Variants in ZNF423 observed in about 807,000 individuals in gnomAD.
ZNF423 encodes the protein Ebf-associated zinc finger protein.
In ZNF423, 12 loss-of-function variants were observed where a neutral mutation model predicts 95.8. That is an observed-to-expected ratio of 0.13 (90% CI 0.08 to 0.20). The LOEUF (loss-of-function observed/expected upper bound fraction) is 0.20. Among genes scored for constraint, ZNF423 ranks in the 10% least tolerant of loss-of-function variants. The probability of loss-of-function intolerance (pLI) is 1.00; values close to 1 mark genes in which losing one functional copy is unlikely to be tolerated. For synonymous variants in ZNF423, 749 were observed against 711.9 expected (o/e 1.05, Z -0.83); for missense variants, 1,316 against 1,737.1 (o/e 0.76, Z 4.31).
intron 7 of ZNF423, among the ~76,000 whole-genome samples, chr16:49,517,442 T>C (rs905536779): frequency 4.6e-5 from 7 of 152,188 alleles, no homozygotes; most frequent in African/African-American, 1.7e-4. Context: ...AGTCTTCTCC[T>C]GGTTAAACAG....
intron 3 of ZNF423, among the ~76,000 whole-genome samples, chr16:49,718,573 T>C (rs2032775395): frequency 6.6e-6 from 1 of 152,200 alleles, no homozygotes; most frequent in Non-Finnish European, 1.5e-5. Flanking sequence ...CTGTCTTAAG[T>C]CTGTTCAGGC....
intron 5 of ZNF423, among the ~76,000 whole-genome samples, chr16:49,623,800 G>T (rs1388745488): frequency 6.6e-6 from 1 of 152,228 alleles, no homozygotes; most frequent in African/African-American, 2.4e-5. Context: ...AGTGGCTGCA[G>T]GAGACTGGCT....
intron 3 of ZNF423, among the ~76,000 whole-genome samples, chr16:49,643,793 C>T (rs1003216494): frequency 1.3e-5 from 2 of 151,988 alleles, no homozygotes; most frequent in Non-Finnish European, 1.5e-5. Flanking sequence ...CTGTCTGCTG[C>T]AGGAAGAGAA....
At chr16:49,572,780 G>A (rs981291543) in intron 5 of ZNF423, among the ~76,000 whole-genome samples, 1 of 152,234 alleles carries the variant, frequency 6.6e-6, no homozygotes, top group African/African-American at 2.4e-5. Flanking sequence ...GCCTCCCACA[G>A]TGCACACTGG....
At chr16:49,499,364 C>T (rs1425055960) in intron 7 of ZNF423, among the ~76,000 whole-genome samples, 2 of 152,254 alleles carry the variant, frequency 1.3e-5, no homozygotes, top group Non-Finnish European at 2.9e-5. Flanking sequence ...GAAGCTGTCT[C>T]TCATGTGAGA....
chr16:49,543,688 C>T (rs570681562), intron 5 of ZNF423, among the ~76,000 whole-genome samples: 4 of 152,326 alleles, frequency 2.6e-5, no homozygotes, highest in Admixed American at 2.0e-4. Context: ...CCGCCAAGGA[C>T]AGCTCAGCCC....
At chr16:49,777,363 T>C (rs945270022) in intron 2 of ZNF423, among the ~76,000 whole-genome samples, 1 of 152,222 alleles carries the variant, frequency 6.6e-6, no homozygotes, top group Non-Finnish European at 1.5e-5. Context: ...ACATTTGCAC[T>C]GAGTGAGAGT....
intron 1 of ZNF423, among the ~76,000 whole-genome samples, chr16:49,814,486 C>A (rs1343237749): frequency 1.3e-5 from 2 of 151,362 alleles, no homozygotes; most frequent in East Asian, 4.0e-4. Flanking sequence ...CTGCACCTGC[C>A]TTTTCCAACA....
At chr16:49,701,245 C>A (rs775527090) in intron 3 of ZNF423, among the ~76,000 whole-genome samples, 1 of 152,200 alleles carries the variant, frequency 6.6e-6, no homozygotes, top group African/African-American at 2.4e-5. Flanking sequence ...TGCACGTGTG[C>A]GTGCATGCGC....
chr16:49,525,332 T>C (rs1417971493), intron 6 of ZNF423, 31 bp downstream of exon 6: 3 of 1,611,738 alleles, frequency 1.9e-6, no homozygotes, highest in Non-Finnish European at 2.5e-6. Context: ...TTCATCTCTC[T>C]CCCCTGAGGG....
At chr16:49,833,635 A>G (rs1322981782) in intron 1 of ZNF423, among the ~76,000 whole-genome samples, 1 of 142,960 alleles carries the variant, frequency 7.0e-6, no homozygotes, top group Non-Finnish European at 1.5e-5. Flanking sequence ...AATGATGGTG[A>G]AATGAAAAGG....
chr16:49,820,453 T>C (rs1407824207), intron 1 of ZNF423, among the ~76,000 whole-genome samples: 1 of 152,244 alleles, frequency 6.6e-6, no homozygotes, highest in East Asian at 1.9e-4. Context: ...AATCTGACTT[T>C]AATAGCTCCA....
At chr16:49,741,205 T>G (rs979743674) in intron 2 of ZNF423, among the ~76,000 whole-genome samples, 20 of 151,920 alleles carry the variant, frequency 1.3e-4, no homozygotes, top group Non-Finnish European at 2.8e-4. Context: ...TGCTTTTTTT[T>G]TTTTAAAGAA....
In ZNF423 at chr16:49,671,086, T is replaced by G. The variant is rs186569607; in HGVS notation, c.302-32212A>C. ...TTCACATGCAGCTGCAGTTCCACAC[T>G]CCACAGCCCCTTCAGGTGTTTCAGC... On this transcript the variant is annotated intron_variant, in intron 3 of 7. Coordinates refer to ENST00000563137, the MANE Select transcript of ZNF423 (RefSeq NM_001379286.1). Among the ~76,000 whole-genome samples the G allele has an allele frequency of 4.0e-3, 616 of 152,270 alleles. 8 individuals are homozygous for G. The highest frequency in any genetic ancestry group is 0.013 in the African/African-American group (550 of 41,548).
In ZNF423 at chr16:49,518,668, C is replaced by T. The variant is rs563414346; in HGVS notation, c.3849+4956G>A. On this transcript the variant is annotated intron_variant, in intron 7 of 7. Coordinates refer to ENST00000563137, the MANE Select transcript of ZNF423 (RefSeq NM_001379286.1). ...ACAACTACTGGTCTGTTTTCTATGG[C>T]GATATATTTTTACCTTTTTCCAGAA... 23 of 370,594 alleles carry T rather than the reference C, an allele frequency of 6.2e-5. 1 individual carries two copies. The highest frequency in any genetic ancestry group is 4.2e-4 in the South Asian group (20 of 47,622). The allele number at this position is 370,594 out of a possible 1,614,324, so 23.0% of individuals were successfully genotyped here.
At chr16:49,761,054 ACACACACACACATG>A (rs1286723785) in intron 2 of ZNF423, among the ~76,000 whole-genome samples, 1 of 151,194 alleles carries the variant, frequency 6.6e-6, no homozygotes, top group Non-Finnish European at 1.5e-5. Context: ...ACATACATGC[ACACACACACACATG>A]CACACACACA....
chr16:49,613,284 A>G (rs1163474405), intron 5 of ZNF423, among the ~76,000 whole-genome samples: 2 of 152,246 alleles, frequency 1.3e-5, no homozygotes, highest in Admixed American at 6.5e-5. Flanking sequence ...TTCTATAGCT[A>G]TAGTAATCAA....
chr16:49,651,378 T>A (rs1206073748), intron 3 of ZNF423, among the ~76,000 whole-genome samples: 1 of 152,132 alleles, frequency 6.6e-6, no homozygotes, highest in African/African-American at 2.4e-5. Flanking sequence ...AGACTCTGCA[T>A]CTGGCATGTG....
At chr16:49,783,611 C>T (rs1185777869) in intron 2 of ZNF423, among the ~76,000 whole-genome samples, 1 of 57,460 alleles carries the variant, frequency 1.7e-5, no homozygotes, top group Non-Finnish European at 3.5e-5. Context: ...TCGTACAAGG[C>T]TGGGATTGGC....
Sources: gnomAD v4.1 joint callset for allele counts (sites outside exome capture counted in the v4.1 genomes callset) on GRCh38, gnomAD v4.1.1 for gene constraint, MANE v1.5 for transcripts, NCBI Gene and HGNC (gene_info 2026-07-23, HGNC 2026-07-21) for gene names.